RPN2: variants seen among roughly 807,000 people sequenced by gnomAD.
RPN2 encodes dolichyl-diphosphooligosaccharide--protein glycosyltransferase subunit 2.
In RPN2, 29 loss-of-function variants were observed where a neutral mutation model predicts 71.4. That is an observed-to-expected ratio of 0.41 (90% confidence interval 0.30 to 0.55). The LOEUF (loss-of-function observed/expected upper bound fraction) is 0.55. Among genes scored for constraint, RPN2 ranks in the 20% least tolerant of loss-of-function variants. The probability of loss-of-function intolerance (pLI) is 0.35; values close to 1 mark genes in which losing one functional copy is unlikely to be tolerated. For synonymous variants in RPN2, 308 were observed against 305.0 expected, an observed-to-expected ratio of 1.01 and a Z score of -0.10; for missense variants, 726 against 774.1, an observed-to-expected ratio of 0.94 and a Z score of 0.74.
chr20:37,203,977 A>G lies in RPN2; in HGVS notation c.555+17A>G. 1 of 1,584,220 alleles carries G rather than the reference A, an allele frequency of 6.3e-7. No individual in the cohort carries two copies. The highest frequency in any genetic ancestry group is 8.7e-7 in the Non-Finnish European group (1 of 1,153,052). ...GAGATTGAGGTGTGAATCTTTTGCCAAATGCATCTCCCAGCTCCTGTCTTT... is the reference window on the plus strand; with the variant it reads ...GAGATTGAGGTGTGAATCTTTTGCCGAATGCATCTCCCAGCTCCTGTCTTT... On this transcript the variant is annotated intron_variant, in intron 5 of 16. Coordinates refer to ENST00000237530, the MANE Select transcript of RPN2 (RefSeq NM_002951.5).
chr20:37,191,735 C>T (rs1205808111), intron 2 of RPN2, among the ~76,000 whole-genome samples: 1 of 151,052 alleles, frequency 6.6e-6, no homozygotes, highest in Non-Finnish European at 1.5e-5. Context: ...TTATATAAAA[C>T]ATAAGCATGT....
intron 16 of RPN2, chr20:37,238,473 C>T (rs1185409683): frequency 1.3e-6 from 2 of 1,571,720 alleles, no homozygotes; most frequent in Non-Finnish European, 1.7e-6. Flanking sequence ...GCGGACTCAT[C>T]CCAGAAGCAG....
At chr20:37,235,131 T>C (rs935933934) in intron 15 of RPN2, among the ~76,000 whole-genome samples, 6 of 152,150 alleles carry the variant, frequency 3.9e-5, no homozygotes, top group African/African-American at 1.4e-4. Context: ...GTTGTGACTT[T>C]GATCAGATTA....
At chr20:37,190,119 C>T (rs78955880) in intron 2 of RPN2, among the ~76,000 whole-genome samples, 18,292 of 152,168 alleles carry the variant, frequency 0.12, 1,126 homozygotes, top group African/African-American at 0.15. Context: ...CCACAGGATT[C>T]GGTGTAGGGG....
intron 2 of RPN2, among the ~76,000 whole-genome samples, chr20:37,187,119 T>TC (rs1339493148): frequency 6.6e-6 from 1 of 152,224 alleles, no homozygotes; most frequent in Admixed American, 6.5e-5. Context: ...AGTAGGGATT[T>TC]GTTTTTTCAT....
chr20:37,208,325 G>A (rs1473866749), intron 7 of RPN2, among the ~76,000 whole-genome samples: 2 of 151,182 alleles, frequency 1.3e-5, no homozygotes, highest in Non-Finnish European at 2.9e-5. Flanking sequence ...TGCATTTCTA[G>A]GTCTATAACT....
At chr20:37,237,500 T>A (rs1220509691) in intron 16 of RPN2, among the ~76,000 whole-genome samples, 3 of 152,204 alleles carry the variant, frequency 2.0e-5, no homozygotes, top group Non-Finnish European at 4.4e-5. Flanking sequence ...TAGTGTACCC[T>A]CAACGTGGCT....
In RPN2 at chr20:37,215,844, A is replaced by G. The variant is rs144040763; in HGVS notation, c.1092+1979A>G. On this transcript the variant is annotated intron_variant, in intron 9 of 16. Transcript: ENST00000237530. Reference sequence around the variant, plus strand: ...TACTGGTAAAGTTAAACATCTTTTTATATATTTATTAGCCAATTACATTTC... The same window carrying G: ...TACTGGTAAAGTTAAACATCTTTTTGTATATTTATTAGCCAATTACATTTC... Among the ~76,000 whole-genome samples the G allele has an allele frequency of 3.9e-4, 59 of 152,190 alleles. No individual in the cohort carries two copies. In the East Asian group the frequency reaches 4.0e-3, roughly 10 times the overall value.
intron 13 of RPN2, 62 bp downstream of exon 13, chr20:37,230,121 A>G (rs2146687690): frequency 8.2e-7 from 1 of 1,218,856 alleles, no homozygotes; most frequent in East Asian, 2.3e-5. Context: ...AGCCCTGGAC[A>G]GTGGCTCTGC....
rs1403725338 is a variant in RPN2, at chr20:37,241,613, A to G, written c.*298A>G. The G allele has an allele frequency of 9.1e-6, 4 of 437,722 alleles. No homozygotes were observed. Among genetic ancestry groups the G allele is most frequent in the East Asian group, 4.9e-5 (1 of 20,534 alleles). 27.1% of individuals were successfully genotyped at this position (437,722 alleles called of 1,614,324 possible). A position where few individuals can be genotyped will look rare whatever the true frequency, so the allele number is the denominator to read the frequency against. On this transcript the variant is annotated 3_prime_UTR_variant, in exon 17 of 17. Coordinates refer to ENST00000237530, the MANE Select transcript of RPN2 (RefSeq NM_002951.5). ...TTGTTTTGGAATAAAGAGGGTAACA[A>G]TAGGAACAAAGGCCTGATTGAGAGC...
intron 8 of RPN2, among the ~76,000 whole-genome samples, chr20:37,212,592 C>T (rs1237387922): frequency 1.3e-5 from 2 of 151,800 alleles, no homozygotes; most frequent in Admixed American, 6.6e-5. Context: ...GGAATTCTGC[C>T]TCAGCTTCCT....
chr20:37,238,644 G>C, intron 16 of RPN2: 1 of 736,558 alleles, frequency 1.4e-6, no homozygotes, highest in Non-Finnish European at 2.5e-6. Context: ...AGCTTCCTGA[G>C]TTAGCCCAGC....
chr20:37,231,770 A>G (rs2068255727), intron 13 of RPN2, among the ~76,000 whole-genome samples: 1 of 151,864 alleles, frequency 6.6e-6, no homozygotes, highest in African/African-American at 2.4e-5. Context: ...CCTTAGAGCC[A>G]TGGCTCAGGG....
At chr20:37,200,347 G>A (rs916374154) in intron 4 of RPN2, 5 of 355,558 alleles carry the variant, frequency 1.4e-5, no homozygotes, top group Non-Finnish European at 2.3e-5. Context: ...TGTCCAGGCC[G>A]GTTGTAATTT....
intron 7 of RPN2, among the ~76,000 whole-genome samples, chr20:37,207,815 G>A (rs1331104141): frequency 2.0e-5 from 3 of 152,072 alleles, no homozygotes; most frequent in Non-Finnish European, 4.4e-5. Context: ...CCAAGTAGCT[G>A]GGATCACAGG....
chr20:37,220,212 A>T (rs931871461), intron 9 of RPN2, among the ~76,000 whole-genome samples: 12 of 150,586 alleles, frequency 8.0e-5, no homozygotes, highest in South Asian at 2.1e-4. Flanking sequence ...TGTGAGTGTG[A>T]GAGAGAGAGA....
At chr20:37,233,924 C>A in intron 14 of RPN2, 96 bp from the exon 15 acceptor site, 1 of 1,350,536 alleles carries the variant, frequency 7.4e-7, no homozygotes, top group Non-Finnish European at 1.1e-6. Context: ...AACTTTGAAG[C>A]CTTGGGGCTG....
chr20:37,230,146 T>G (rs1353255512), intron 13 of RPN2, 87 bp downstream of exon 13: 10 of 1,024,482 alleles, frequency 9.8e-6, no homozygotes, highest in Non-Finnish European at 1.6e-5. Flanking sequence ...TTTAACTTGT[T>G]TTGTGATGTT....
intron 2 of RPN2, among the ~76,000 whole-genome samples, chr20:37,195,625 G>A (rs1319033079): frequency 6.6e-6 from 1 of 152,206 alleles, no homozygotes; most frequent in East Asian, 1.9e-4. Flanking sequence ...TTAGAACAGC[G>A]TTTGACACAT....
Sources: gnomAD v4.1 joint callset for allele counts (sites outside exome capture counted in the v4.1 genomes callset) on GRCh38, gnomAD v4.1.1 for gene constraint, MANE v1.5 for transcripts, NCBI Gene and HGNC (gene_info 2026-07-23, HGNC 2026-07-21) for gene names.